AFF2: variants seen among roughly 807,000 people sequenced by gnomAD.
AFF2 encodes ALF transcription elongation factor 2.
In AFF2, 14 loss-of-function variants were observed where a neutral mutation model predicts 76.9. The observed-to-expected ratio is 0.18, with a 90% CI of 0.12 to 0.28. The LOEUF is 0.28. Ranked by LOEUF, AFF2 falls within the 10% of genes least tolerant of loss-of-function variation. The pLI, the probability that AFF2 is intolerant of heterozygous loss-of-function variation, is 1.00. For missense variants in AFF2, 868 were observed against 1,001.1 expected, an observed-to-expected ratio of 0.87 and a Z score of 1.79; for synonymous variants, 398 against 366.7, an observed-to-expected ratio of 1.09 and a Z score of -0.98.
chrX:148,911,075 T>A (rs967493507), intron 9 of AFF2, among the ~76,000 whole-genome samples: 33 of 104,333 alleles, frequency 3.2e-4, no homozygotes, highest in Non-Finnish European at 6.3e-4. Context: ...TGCACATAAA[T>A]TATATATATA....
Position 148,500,934 on chromosome X carries a change from T to A in AFF2, c.-164T>A, listed in dbSNP as rs1466220510. The A allele has an allele frequency of 1.3e-5, 8 of 615,351 alleles. No homozygotes were observed. The highest frequency in any genetic ancestry group is 1.7e-5 in the Non-Finnish European group (7 of 423,869). 50.7% of individuals were successfully genotyped at this position (615,351 alleles called of 1,213,427 possible). On this transcript the variant is annotated 5_prime_UTR_variant, in exon 1 of 21. Coordinates refer to ENST00000370460, the MANE Select transcript of AFF2 (RefSeq NM_002025.4). ...TCGCCGGAGCACAGGACCAGACACCTCCAGCGCCCGCTGCTGCTGCCGATG... is the reference window on the plus strand; with the variant it reads ...TCGCCGGAGCACAGGACCAGACACCACCAGCGCCCGCTGCTGCTGCCGATG...
intron 7 of AFF2, among the ~76,000 whole-genome samples, chrX:148,845,683 T>G (rs1458920834): frequency 1.8e-5 from 2 of 112,378 alleles, no homozygotes; most frequent in Non-Finnish European, 3.8e-5. Flanking sequence ...CAGTGTGCTT[T>G]TTAAACCACC....
intron 3 of AFF2, among the ~76,000 whole-genome samples, chrX:148,711,594 T>C (rs1008884275): frequency 1.4e-4 from 16 of 112,445 alleles, no homozygotes; most frequent in Admixed American, 1.4e-3. Flanking sequence ...GCTCTAAAAC[T>C]ATAAAAATTT....
At chrX:148,702,881 G>A (rs1291050415) in intron 3 of AFF2, among the ~76,000 whole-genome samples, 2 of 112,206 alleles carry the variant, frequency 1.8e-5, no homozygotes, top group African/African-American at 6.5e-5. Flanking sequence ...ACAGTGAACT[G>A]TTTGCTCGAG....
At chrX:148,675,577 C>T (rs1557259406) in intron 3 of AFF2, among the ~76,000 whole-genome samples, 1 of 109,387 alleles carries the variant, frequency 9.1e-6, no homozygotes, top group Non-Finnish European at 1.9e-5. Context: ...TGAACCTATG[C>T]TTTGGCCTTC....
At chrX:148,986,449 T>C (rs1262438963) in intron 19 of AFF2, among the ~76,000 whole-genome samples, 1 of 112,248 alleles carries the variant, frequency 8.9e-6, no homozygotes, top group African/African-American at 3.2e-5. Flanking sequence ...AGCAGGTGAC[T>C]CCTTGTTGCG....
At chrX:148,991,126 T>C in intron 20 of AFF2, 85 bp from the exon 21 acceptor site, 1 of 930,605 alleles carries the variant, frequency 1.1e-6, no homozygotes, top group Non-Finnish European at 1.5e-6. Context: ...GTGGTTGTGG[T>C]GTTGTGTGAA....
chrX:148,885,741 T>C, intron 7 of AFF2, 148 bp from the exon 8 acceptor site: 1 of 496,817 alleles, frequency 2.0e-6, no homozygotes, highest in Non-Finnish European at 3.5e-6. Flanking sequence ...TCTAATTAGC[T>C]GAAACAATCT....
intron 11 of AFF2, among the ~76,000 whole-genome samples, chrX:148,957,894 C>A (rs782063449): frequency 8.9e-6 from 1 of 112,547 alleles, no homozygotes; most frequent in Admixed American, 9.4e-5. Flanking sequence ...CATTTCCTTA[C>A]GTGATGCTCA....
intron 3 of AFF2, among the ~76,000 whole-genome samples, chrX:148,808,300 T>C (rs1557271507): frequency 8.9e-6 from 1 of 112,228 alleles, no homozygotes; most frequent in Non-Finnish European, 1.9e-5. Flanking sequence ...GTGTCTCCTC[T>C]TGCTTCCCAT....
chrX:148,775,243 T>A (rs1156516094), intron 3 of AFF2, among the ~76,000 whole-genome samples: 2 of 112,029 alleles, frequency 1.8e-5, no homozygotes, highest in East Asian at 5.6e-4. Context: ...CTGTATAATA[T>A]GCATGTTCTA....
At chrX:148,802,128 G>A (rs782611590) in intron 3 of AFF2, among the ~76,000 whole-genome samples, 4 of 112,201 alleles carry the variant, frequency 3.6e-5, no homozygotes, top group Admixed American at 2.8e-4. Context: ...TATGCTATGC[G>A]GAGTGTGGCC....
At chrX:148,833,176 T>C (rs1162155376) in intron 4 of AFF2, among the ~76,000 whole-genome samples, 1 of 111,562 alleles carries the variant, frequency 9.0e-6, no homozygotes, top group Non-Finnish European at 1.9e-5. Context: ...ATTGAAGCCT[T>C]TTCCAAATGC....
intron 4 of AFF2, among the ~76,000 whole-genome samples, chrX:148,834,863 C>A (rs956310752): frequency 8.9e-6 from 1 of 112,045 alleles, no homozygotes; most frequent in Non-Finnish European, 1.9e-5. Flanking sequence ...GCTCCAAAGT[C>A]CTTTGAGGAA....
intron 1 of AFF2, among the ~76,000 whole-genome samples, chrX:148,643,835 G>T (rs2054114781): frequency 9.0e-6 from 1 of 111,724 alleles, no homozygotes; most frequent in Non-Finnish European, 1.9e-5. Flanking sequence ...AGGGATATTG[G>T]ACCATATCTC....
intron 3 of AFF2, among the ~76,000 whole-genome samples, chrX:148,786,711 G>T (rs2069825255): frequency 8.9e-6 from 1 of 112,068 alleles, no homozygotes; most frequent in African/African-American, 3.2e-5. Context: ...GTGAGGTACT[G>T]GGGGTTAGGA....
chrX:148,852,606 A>G (rs1250476971), intron 7 of AFF2, among the ~76,000 whole-genome samples: 4 of 111,463 alleles, frequency 3.6e-5, no homozygotes, highest in Non-Finnish European at 7.5e-5. Flanking sequence ...AACGAAGAAA[A>G]CAATCTGGAT....
intron 1 of AFF2, among the ~76,000 whole-genome samples, chrX:148,598,553 G>A (rs1366184480): frequency 8.9e-6 from 1 of 112,048 alleles, no homozygotes; most frequent in East Asian, 2.8e-4. Flanking sequence ...TGCATGCCAT[G>A]GGAAACCAGA....
At chrX:148,774,913 G>T (rs2069648898) in intron 3 of AFF2, among the ~76,000 whole-genome samples, 1 of 112,083 alleles carries the variant, frequency 8.9e-6, no homozygotes, top group South Asian at 3.7e-4. Context: ...TAAAATGAGT[G>T]AGGTGGACTT....
Sources: allele counts gnomAD v4.1 joint callset (sites outside exome capture counted in the v4.1 genomes callset), GRCh38; gene constraint gnomAD v4.1.1; transcripts MANE v1.5; gene names NCBI Gene and HGNC (gene_info 2026-07-23, HGNC 2026-07-21).